UBAP2L: variants seen among roughly 807,000 people sequenced by gnomAD.
UBAP2L encodes the protein ubiquitin-associated protein 2-like.
In UBAP2L, 12 loss-of-function variants were observed where a neutral mutation model predicts 130.6. That is an observed-to-expected ratio of 0.09 (90% CI 0.06 to 0.15). The LOEUF (loss-of-function observed/expected upper bound fraction) is 0.15. Ranked by LOEUF, UBAP2L falls within the 10% of genes least tolerant of loss-of-function variation. The pLI is 1.00. For synonymous variants in UBAP2L, 503 were observed against 524.7 expected (o/e 0.96, Z 0.57); for missense variants, 965 against 1,332.5 (o/e 0.72, Z 4.29).
At chr1:154,247,497 C>T (rs968229843) in intron 11 of UBAP2L, among the ~76,000 whole-genome samples, 1 of 152,190 alleles carries the variant, frequency 6.6e-6, no homozygotes, top group African/African-American at 2.4e-5. Flanking sequence ...ATTATGTGAT[C>T]TATGTCTCTT....
intron 6 of UBAP2L, 113 bp downstream of exon 6, chr1:154,235,404 G>A: frequency 1.7e-6 from 1 of 602,946 alleles, no homozygotes; most frequent in South Asian, 2.1e-5. Flanking sequence ...CCAGGCCGGA[G>A]TGCAGTGGCA....
intron 14 of UBAP2L, 139 bp from the exon 15 acceptor site, chr1:154,253,761 A>G: frequency 1.3e-6 from 1 of 794,920 alleles, no homozygotes; most frequent in South Asian, 1.9e-5. Context: ...AAATTTTGGT[A>G]GATTCTTCTA....
chr1:154,236,357 C>G (rs1558144552), intron 6 of UBAP2L, among the ~76,000 whole-genome samples: 1 of 152,142 alleles, frequency 6.6e-6, no homozygotes, highest in African/African-American at 2.4e-5. Flanking sequence ...TGCCACCACA[C>G]TCAGCAAATT....
chr1:154,229,891 T>G (rs909055151), intron 4 of UBAP2L, among the ~76,000 whole-genome samples: 1 of 152,114 alleles, frequency 6.6e-6, no homozygotes, highest in African/African-American at 2.4e-5. Flanking sequence ...AGTCTTGCTC[T>G]TGTTGCCCAG....
chr1:154,242,420 A>G (rs1673874674), intron 9 of UBAP2L, among the ~76,000 whole-genome samples: 1 of 152,234 alleles, frequency 6.6e-6, no homozygotes, highest in Non-Finnish European at 1.5e-5. Context: ...TTTCTATTGT[A>G]TAATCAATGA....
At position 154,270,497 on chromosome 1, in the gene UBAP2L, TCTC is replaced by T. The variant is rs1684514576; in HGVS notation, c.*205_*207del. Reference sequence around the variant, plus strand: ...TGTATGTATTATAGGATTTGTATTTTCTCCTTTTTTTTCCCCCTTCCATTCCTT... The same window carrying T: ...TGTATGTATTATAGGATTTGTATTTTCTTTTTTTTCCCCCTTCCATTCCTT... On this transcript the variant is annotated 3_prime_UTR_variant, in exon 27 of 27. Transcript: ENST00000428931. 2 of 1,458,268 alleles carry T rather than the reference TCTC, an allele frequency of 1.4e-6. No homozygotes were observed. Among genetic ancestry groups the T allele is most frequent in the Non-Finnish European group, 1.8e-6 (2 of 1,111,010 alleles). The allele number at this position is 1,458,268 out of a possible 1,614,324, so 90.3% of individuals were successfully genotyped here.
In UBAP2L at chr1:154,266,531, T is replaced by C; in HGVS notation, c.2933T>C (p.Val978Ala). 1 of 1,614,162 alleles carries C rather than the reference T, an allele frequency of 6.2e-7. No individual in the cohort carries two copies. The highest frequency in any genetic ancestry group is 8.5e-7 in the Non-Finnish European group (1 of 1,180,040). The change falls in exon 25 of 27, where the codon GTG (valine) becomes GCG (alanine). Residue 978 changes from valine to alanine, a missense_variant. This residue lies in a region of UBAP2L where 194 missense variants were observed against 334.0 expected (regional missense o/e 0.58). Coordinates refer to ENST00000428931, the MANE Select transcript of UBAP2L (RefSeq NM_014847.4). ...TCAGTCACCTCCAGTAACACGGGCG[T>C]GCCAGATATCTCGGGTTCTGTGTAC... ...GVSVTSSNTG[V>A]PDISGSVYSK...
In UBAP2L at chr1:154,249,296, A is replaced by G; in HGVS notation, c.1072A>G (p.Thr358Ala). Residue 358 changes from threonine to alanine, a missense_variant, in exon 12 of 27, where the codon ACA (threonine) becomes GCA (alanine). Thr to Ala is a moderately conservative substitution (Grantham distance 58). Transcript: ENST00000428931. ...CGGTGAAGCTAAAGGCGGCAGTACT[A>G]CAGGCTCCCAGTTCTTGGAGCAATT... ...DVGEAKGGST[T>A]GSQFLEQFKT... 6.2e-7 allele frequency: 1 copy of G among 1,614,166 alleles called. No individual in the cohort carries two copies. The highest frequency in any genetic ancestry group is 8.5e-7 in the Non-Finnish European group (1 of 1,180,030).
downstream of UBAP2L, chr1:154,271,280 A>G: frequency 4.5e-6 from 1 of 224,046 alleles, no homozygotes; most frequent in South Asian, 7.8e-5. Flanking sequence ...CAAATAAACT[A>G]AAAAGAAGTG....
chr1:154,233,878 T>TC (rs1397605325), intron 4 of UBAP2L, among the ~76,000 whole-genome samples: 2 of 146,380 alleles, frequency 1.4e-5, no homozygotes, highest in Non-Finnish European at 2.9e-5. Context: ...GTTTTTTCTT[T>TC]TTTTTTTTTA....
intron 22 of UBAP2L, 45 bp from the exon 23 acceptor site, chr1:154,260,847 T>C (rs1219284402): frequency 7.0e-6 from 11 of 1,568,432 alleles, no homozygotes; most frequent in Non-Finnish European, 9.7e-6. Context: ...TCTGTATTGG[T>C]ATTGGGGTGA....
intron 24 of UBAP2L, 149 bp from the exon 25 acceptor site, chr1:154,266,352 A>G (rs759968322): frequency 3.5e-5 from 27 of 762,650 alleles, no homozygotes; most frequent in Non-Finnish European, 6.0e-5. Context: ...ATGAACTCTT[A>G]CCTCTCAGGA....
chr1:154,259,090 A>ATT, intron 21 of UBAP2L, 60 bp downstream of exon 21: 1 of 1,422,888 alleles, frequency 7.0e-7, no homozygotes, highest in Admixed American at 1.7e-5. Context: ...TGTTGGGAGA[A>ATT]TTATCTCCGT....
Position 154,241,442 on chromosome 1 carries a change from G to A in UBAP2L, c.704-71G>A, listed in dbSNP as rs1673604729. The A allele has an allele frequency of 2.0e-6, 3 of 1,497,982 alleles. No homozygotes were observed. In the East Asian group the frequency reaches 6.8e-5, roughly 34 times the overall value. The allele number at this position is 1,497,982 out of a possible 1,614,324, so 92.8% of individuals were successfully genotyped here. ...TGGCTGCCAAAAAAATTAATACATT[G>A]ATGTTTTCTATACATGCTTTGTACT... On this transcript the variant is annotated intron_variant, in intron 8 of 26. Transcript: ENST00000428931.
At chr1:154,255,446 T>C in intron 17 of UBAP2L, 120 bp downstream of exon 17, 1 of 1,345,928 alleles carries the variant, frequency 7.4e-7, no homozygotes, top group Non-Finnish European at 1.0e-6. Flanking sequence ...CGTAAGTGGG[T>C]GACCTAAGAA....
At chr1:154,242,769 A>G (rs1673994990) in intron 9 of UBAP2L, among the ~76,000 whole-genome samples, 1 of 152,162 alleles carries the variant, frequency 6.6e-6, no homozygotes, top group South Asian at 2.1e-4. Flanking sequence ...TTACTGCTCA[A>G]AAGCTAAAAA....
intron 24 of UBAP2L, among the ~76,000 whole-genome samples, chr1:154,265,271 A>G (rs1184039438): frequency 6.6e-6 from 1 of 152,104 alleles, no homozygotes; most frequent in Non-Finnish European, 1.5e-5. Flanking sequence ...TAGAGTTTGA[A>G]TTGTGGGTGA....
At chr1:154,243,168 G>A (rs2148758424) in intron 9 of UBAP2L, 49 bp from the exon 10 acceptor site, 1 of 1,538,436 alleles carries the variant, frequency 6.5e-7, no homozygotes, top group Non-Finnish European at 9.0e-7. Flanking sequence ...CCAAGTTTCT[G>A]ACTGTAGCAT....
intron 24 of UBAP2L, among the ~76,000 whole-genome samples, chr1:154,265,043 C>T (rs1180426954): frequency 6.6e-6 from 1 of 152,212 alleles, no homozygotes; most frequent in Admixed American, 6.5e-5. Flanking sequence ...TGTCTTTAGA[C>T]AGTTGATGCT....
Sources: gnomAD v4.1 joint callset for allele counts (sites outside exome capture counted in the v4.1 genomes callset) on GRCh38, gnomAD v4.1.1 for gene constraint, gnomAD v4.1.1 regional missense constraint, MANE v1.5 for transcripts, NCBI Gene and HGNC (gene_info 2026-07-23, HGNC 2026-07-21) for gene names.